Variants in AIDA observed in about 807,000 individuals in gnomAD.
AIDA encodes the protein axin interactor, dorsalization-associated protein.
Under a neutral mutation model 42.7 loss-of-function variants are expected in AIDA, and 18 were observed. The ratio of observed to expected loss-of-function variants is 0.42; its 90% CI spans 0.29 to 0.63. The LOEUF (loss-of-function observed/expected upper bound fraction) is 0.63. AIDA is among the 20% of genes least tolerant of loss of function. The pLI, the probability that AIDA is intolerant of heterozygous loss-of-function variation, is 0.19. For missense variants in AIDA, 250 were observed against 354.1 expected, an observed-to-expected ratio of 0.71 and a Z score of 2.36; for synonymous variants, 104 against 122.9, an observed-to-expected ratio of 0.85 and a Z score of 1.02.
At chr1:222,700,007 C>A (rs535606667) in intron 2 of AIDA, among the ~76,000 whole-genome samples, 1 of 152,260 alleles carries the variant, frequency 6.6e-6, no homozygotes, top group African/African-American at 2.4e-5. Flanking sequence ...ATCTGCCCAC[C>A]TCGGCCTCCC....
intron 1 of AIDA, chr1:222,711,460 T>C (rs944285084): frequency 2.6e-5 from 4 of 152,256 alleles, no homozygotes; most frequent in Non-Finnish European, 5.9e-5. Flanking sequence ...CGTGGTCCAT[T>C]AATTCACATT....
intron 4 of AIDA, among the ~76,000 whole-genome samples, chr1:222,688,591 A>G (rs1049577651): frequency 6.6e-6 from 1 of 151,648 alleles, no homozygotes; most frequent in African/African-American, 2.4e-5. Flanking sequence ...TCTACTTACT[A>G]AAAAAAAGTT....
At chr1:222,703,267 C>A in intron 1 of AIDA, 50 bp from the exon 2 acceptor site, 1 of 1,360,188 alleles carries the variant, frequency 7.4e-7, no homozygotes. Context: ...CAAACTACTG[C>A]AACAAAGTGT....
chr1:222,695,343 T>C (rs1655488283), intron 2 of AIDA, among the ~76,000 whole-genome samples: 1 of 152,140 alleles, frequency 6.6e-6, no homozygotes, highest in Non-Finnish European at 1.5e-5. Context: ...AATACAAAAA[T>C]TAGCCAGGTA....
chr1:222,698,746 T>C (rs765964644), intron 2 of AIDA, among the ~76,000 whole-genome samples: 5 of 152,234 alleles, frequency 3.3e-5, no homozygotes, highest in South Asian at 2.1e-4. Flanking sequence ...CCACCACGCC[T>C]GGCCCATCAA....
chr1:222,672,599 A>C (rs771800560), intron 8 of AIDA, among the ~76,000 whole-genome samples: 18 of 152,196 alleles, frequency 1.2e-4, no homozygotes, highest in Admixed American at 5.9e-4. Flanking sequence ...CACTGTTCTA[A>C]CAGAAGCACT....
chr1:222,694,182 T>C (rs746958892), intron 3 of AIDA, 28 bp downstream of exon 3: 3 of 1,581,120 alleles, frequency 1.9e-6, no homozygotes, highest in Non-Finnish European at 2.6e-6. Context: ...TTATTTTCCT[T>C]GTATTACAGA....
chr1:222,701,915 G>A (rs1268928501), intron 2 of AIDA, among the ~76,000 whole-genome samples: 1 of 151,816 alleles, frequency 6.6e-6, no homozygotes, highest in Non-Finnish European at 1.5e-5. Context: ...GTAGAGACGG[G>A]GTTTTACCAT....
intron 6 of AIDA, 147 bp downstream of exon 6, chr1:222,686,783 A>G: frequency 2.2e-6 from 2 of 910,908 alleles, no homozygotes; most frequent in Non-Finnish European, 3.3e-6. Flanking sequence ...ATACTTATGA[A>G]ATAGCTACTG....
At chr1:222,693,535 T>A (rs1040393496) in intron 4 of AIDA, among the ~76,000 whole-genome samples, 2 of 152,152 alleles carry the variant, frequency 1.3e-5, no homozygotes, top group African/African-American at 4.8e-5. Flanking sequence ...GTGGTTTTAT[T>A]AAAGTGAGTA....
chr1:222,672,391 A>G (rs1053057460), intron 8 of AIDA, among the ~76,000 whole-genome samples: 3 of 152,216 alleles, frequency 2.0e-5, no homozygotes, highest in Admixed American at 6.5e-5. Context: ...CTTCAACGTT[A>G]TTTATTAAGC....
intron 7 of AIDA, among the ~76,000 whole-genome samples, chr1:222,675,691 T>C (rs961482425): frequency 2.0e-5 from 3 of 152,166 alleles, no homozygotes; most frequent in Non-Finnish European, 4.4e-5. Flanking sequence ...GAAGGCCTAA[T>C]GCAGGAGGAA....
intron 1 of AIDA, among the ~76,000 whole-genome samples, chr1:222,707,823 C>A (rs561740046): frequency 1.3e-5 from 2 of 152,292 alleles, no homozygotes; most frequent in Admixed American, 1.3e-4. Context: ...ATCACTTTTT[C>A]CCTAAATTTG....
chr1:222,700,719 C>G (rs1655668036), intron 2 of AIDA, among the ~76,000 whole-genome samples: 1 of 149,110 alleles, frequency 6.7e-6, no homozygotes, highest in African/African-American at 2.5e-5. Flanking sequence ...AGCGCCACTG[C>G]ACTCCGGCCT....
In AIDA at chr1:222,700,963, A is replaced by ATT. The variant is rs140000501; in HGVS notation, c.180+2183_180+2184dup. Among the ~76,000 whole-genome samples the ATT allele has an allele frequency of 2.3e-3, 158 of 68,136 alleles. 10 individuals are homozygous for ATT. Among genetic ancestry groups the ATT allele is most frequent in the East Asian group, 7.5e-3 (23 of 3,070 alleles). The allele number at this position is 68,136 out of a possible 152,430, so 44.7% of individuals were successfully genotyped here. A position where few individuals can be genotyped will look rare whatever the true frequency, so the allele number is the denominator to read the frequency against. ...CATTATACGATAGACTCATTTCTTGATTTTTTTTGGGGGGGGGGGGACAGG... is the reference window on the plus strand; with the variant it reads ...CATTATACGATAGACTCATTTCTTGATTTTTTTTTTGGGGGGGGGGGGACAGG... On this transcript the variant is annotated intron_variant, in intron 2 of 9. Coordinates refer to ENST00000340020, the MANE Select transcript of AIDA (RefSeq NM_022831.4).
intron 6 of AIDA, among the ~76,000 whole-genome samples, chr1:222,676,692 G>A (rs1664549211): frequency 6.6e-6 from 1 of 151,744 alleles, no homozygotes; most frequent in African/African-American, 2.4e-5. Context: ...GTCTCACTCT[G>A]TCACCCAGGC....
At position 222,703,227 on chromosome 1, in the gene AIDA, G is replaced by A. The variant is rs1470540591; in HGVS notation, c.111-10C>T. The A allele has an allele frequency of 4.4e-6, 7 of 1,595,204 alleles. No homozygotes were observed. Among genetic ancestry groups the A allele is most frequent in the Non-Finnish European group, 6.0e-6 (7 of 1,170,598 alleles). On this transcript the variant is annotated splice_polypyrimidine_tract_variant and intron_variant, in intron 1 of 9. Transcript: ENST00000340020. ...TAGATGTCTTGCTAATCTGTAAGAA[G>A]AAAACATATTCTTTAGAATGGAAGA...
chr1:222,699,997 A>C (rs936037341), intron 2 of AIDA, among the ~76,000 whole-genome samples: 21 of 152,108 alleles, frequency 1.4e-4, no homozygotes, highest in African/African-American at 4.8e-4. Flanking sequence ...TGACCTCGTG[A>C]TCTGCCCACC....
chr1:222,684,147 T>C (rs1371605550), intron 6 of AIDA, among the ~76,000 whole-genome samples: 2 of 151,986 alleles, frequency 1.3e-5, no homozygotes, highest in African/African-American at 2.4e-5. Flanking sequence ...GTCTGGCTGT[T>C]GTTAGCCTGG....
Sources: allele counts gnomAD v4.1 joint callset (sites outside exome capture counted in the v4.1 genomes callset), GRCh38; gene constraint gnomAD v4.1.1; transcripts MANE v1.5; gene names NCBI Gene and HGNC (gene_info 2026-07-23, HGNC 2026-07-21).